Variants in ARHGAP15 observed in about 807,000 individuals in gnomAD.
The protein encoded by ARHGAP15 is Rho GTPase activating protein 15.
ARHGAP15 carries 51 observed loss-of-function variants against 63.7 expected under a neutral mutation model. The ratio of observed to expected loss-of-function variants is 0.80; its 90% CI spans 0.64 to 1.01. The LOEUF is 1.01. Ranked by LOEUF, ARHGAP15 falls within the 50% of genes least tolerant of loss-of-function variation. The pLI is 0.00. For missense variants in ARHGAP15, 560 were observed against 564.6 expected (o/e 0.99, Z 0.08); for synonymous variants, 191 against 193.8 (o/e 0.99, Z 0.12).
chr2:143,147,677 CTTTA>C (rs1689645186), intron 1 of ARHGAP15, among the ~76,000 whole-genome samples: 1 of 151,918 alleles, frequency 6.6e-6, no homozygotes, highest in African/African-American at 2.4e-5. Flanking sequence ...TCTTCAAATG[CTTTA>C]TTTAGTTATT....
intron 11 of ARHGAP15, among the ~76,000 whole-genome samples, chr2:143,605,794 G>A (rs1424136430): frequency 6.8e-6 from 1 of 146,836 alleles, no homozygotes; most frequent in Non-Finnish European, 1.5e-5. Context: ...CAGGCGAATT[G>A]CCTGAGCTCA....
At chr2:143,144,706 C>A (rs1380352874) in intron 1 of ARHGAP15, among the ~76,000 whole-genome samples, 4 of 151,978 alleles carry the variant, frequency 2.6e-5, no homozygotes, top group African/African-American at 9.7e-5. Flanking sequence ...GCTACCTACT[C>A]ATTTATCTCT....
chr2:143,347,814 ATT>A (rs11351121), intron 6 of ARHGAP15, among the ~76,000 whole-genome samples: 5,449 of 140,428 alleles, frequency 0.039, 225 homozygotes, highest in African/African-American at 0.11. Flanking sequence ...TGACTTCGTG[ATT>A]TTTTTTTTTT....
intron 11 of ARHGAP15, among the ~76,000 whole-genome samples, chr2:143,596,062 G>T (rs898581371): frequency 2.6e-5 from 4 of 152,090 alleles, no homozygotes; most frequent in African/African-American, 9.7e-5. Flanking sequence ...CCCTTGCTTG[G>T]TGCTAAATGG....
intron 2 of ARHGAP15, among the ~76,000 whole-genome samples, chr2:143,189,679 A>G (rs2105087703): frequency 6.6e-6 from 1 of 151,592 alleles, no homozygotes; most frequent in African/African-American, 2.4e-5. Flanking sequence ...CCAGGCTGGT[A>G]TCGAACTCCT....
chr2:143,716,460 C>A (rs142758659), intron 13 of ARHGAP15, among the ~76,000 whole-genome samples: 33 of 152,318 alleles, frequency 2.2e-4, no homozygotes, highest in African/African-American at 6.7e-4. Context: ...ATAACTTCTA[C>A]CACTTCTAGC....
chr2:143,758,960 G>A (rs191614153), intron 13 of ARHGAP15, among the ~76,000 whole-genome samples: 3 of 152,240 alleles, frequency 2.0e-5, no homozygotes, highest in Admixed American at 6.5e-5. Flanking sequence ...ACCACGGATC[G>A]AATTGTTACA....
intron 12 of ARHGAP15, among the ~76,000 whole-genome samples, chr2:143,673,321 G>A (rs559756220): frequency 5.9e-5 from 9 of 152,026 alleles, no homozygotes; most frequent in Non-Finnish European, 8.8e-5. Flanking sequence ...TTTTTTAGAC[G>A]GAGTCTCACT....
intron 9 of ARHGAP15, among the ~76,000 whole-genome samples, chr2:143,507,085 C>T (rs1005547956): frequency 1.3e-5 from 2 of 152,000 alleles, no homozygotes; most frequent in African/African-American, 2.4e-5. Context: ...CTTTTCCTAC[C>T]GTGTAAAGTT....
Position 143,519,270 on chromosome 2 carries a change from A to T in ARHGAP15, c.831A>T (p.Gln277His). Reference protein sequence around the residue: ...TLQEKGLIKDQIFGSHLHKVC... With the variant: ...TLQEKGLIKDHIFGSHLHKVC... Reference sequence around the variant, plus strand: ...TCATCTTTGTTTCTTTTGCAGATCAAATTTTTGGCTCTCATCTGCACAAAG... The same window carrying T: ...TCATCTTTGTTTCTTTTGCAGATCATATTTTTGGCTCTCATCTGCACAAAG... The change falls in exon 10 of 14, where the codon CAA (glutamine) becomes CAT (histidine). Residue 277 changes from glutamine (Q) to histidine (H), a missense_variant. By Grantham distance (24) the Gln-to-His change is conservative. Coordinates refer to ENST00000295095, the MANE Select transcript of ARHGAP15 (RefSeq NM_018460.4). 1 of 1,612,102 alleles carries T rather than the reference A, an allele frequency of 6.2e-7. No individual in the cohort carries two copies. Among genetic ancestry groups the T allele is most frequent in the Non-Finnish European group, 8.5e-7 (1 of 1,178,448 alleles).
chr2:143,142,844 C>A (rs1435145929), intron 1 of ARHGAP15, among the ~76,000 whole-genome samples: 1 of 152,036 alleles, frequency 6.6e-6, no homozygotes, highest in Non-Finnish European at 1.5e-5. Context: ...AGATTAGATT[C>A]TCTGTCTCAG....
intron 12 of ARHGAP15, among the ~76,000 whole-genome samples, chr2:143,702,470 G>C (rs1339525608): frequency 6.6e-6 from 1 of 151,868 alleles, no homozygotes; most frequent in Admixed American, 6.6e-5. Flanking sequence ...AAGGGAAAAA[G>C]GATAACATGG....
chr2:143,313,549 G>A (rs1282849301), intron 6 of ARHGAP15, among the ~76,000 whole-genome samples: 2 of 152,088 alleles, frequency 1.3e-5, no homozygotes, highest in Non-Finnish European at 2.9e-5. Context: ...CCATGCTACG[G>A]GAAAGTGTGG....
intron 2 of ARHGAP15, among the ~76,000 whole-genome samples, chr2:143,181,229 G>C (rs1195461399): frequency 6.6e-6 from 1 of 152,086 alleles, no homozygotes; most frequent in Admixed American, 6.5e-5. Flanking sequence ...TGTCATCCAG[G>C]CTTTGTTGTT....
intron 6 of ARHGAP15, among the ~76,000 whole-genome samples, chr2:143,318,400 T>A (rs878892935): frequency 6.6e-6 from 1 of 152,104 alleles, no homozygotes; most frequent in Admixed American, 6.5e-5. Context: ...TCATTTCCTG[T>A]TGATTTAAGG....
At chr2:143,426,089 G>T (rs1689128151) in intron 6 of ARHGAP15, among the ~76,000 whole-genome samples, 1 of 152,100 alleles carries the variant, frequency 6.6e-6, no homozygotes, top group Admixed American at 6.6e-5. Flanking sequence ...GGAATCATGT[G>T]GGAATAGTTC....
chr2:143,708,875 T>G (rs1476065490), intron 13 of ARHGAP15, among the ~76,000 whole-genome samples: 1 of 152,052 alleles, frequency 6.6e-6, no homozygotes, highest in Admixed American at 6.6e-5. Flanking sequence ...GAAAGCCTGA[T>G]AAGTAAGAGA....
chr2:143,514,064 A>G (rs1206526723), intron 9 of ARHGAP15, among the ~76,000 whole-genome samples: 3 of 152,218 alleles, frequency 2.0e-5, no homozygotes, highest in Non-Finnish European at 4.4e-5. Context: ...TGTAGTGTAC[A>G]ATAAACCCTC....
chr2:143,551,457 A>G (rs6745691), intron 10 of ARHGAP15, among the ~76,000 whole-genome samples: 47,737 of 152,138 alleles, frequency 0.31, 8,031 homozygotes, highest in East Asian at 0.42. Flanking sequence ...ACCTGGCCTA[A>G]AATAGAACTG....
Sources: gnomAD v4.1 joint callset for allele counts (sites outside exome capture counted in the v4.1 genomes callset) on GRCh38, gnomAD v4.1.1 for gene constraint, MANE v1.5 for transcripts, NCBI Gene and HGNC (gene_info 2026-07-23, HGNC 2026-07-21) for gene names.